DEFB134: variants seen among roughly 807,000 people sequenced by gnomAD.
DEFB134 encodes the protein beta-defensin 134.
DEFB134 carries 7 observed loss-of-function variants against 7.4 expected under a neutral mutation model. That is an observed-to-expected ratio of 0.95 (90% CI 0.54 to 1.79). DEFB134 has a LOEUF of 1.79. DEFB134 is among the 40% of genes most tolerant of loss of function. The probability of loss-of-function intolerance (pLI) is 0.00; values close to 1 mark genes in which losing one functional copy is unlikely to be tolerated. For missense variants in DEFB134, 105 were observed against 74.8 expected (o/e 1.40, Z -1.49); for synonymous variants, 33 against 25.0 (o/e 1.32, Z -0.96).
At chr8:12,000,292 T>G (rs1436785105), upstream of DEFB134, among the ~76,000 whole-genome samples, 1 of 152,330 alleles carries the variant, frequency 6.6e-6, no homozygotes, top group African/African-American at 2.4e-5. Context: ...TGTCTCTGAT[T>G]AGACTGTGAA....
exon 2 of DEFB134, chr8:11,993,992 A>G: frequency 6.2e-7 from 1 of 1,613,298 alleles, no homozygotes; most frequent in Non-Finnish European, 8.5e-7. Context: ...AGGGTGCAGG[A>G]TTTCCTTTGA....
upstream of DEFB134, among the ~76,000 whole-genome samples, chr8:11,997,142 T>C (rs951618905): frequency 1.3e-5 from 2 of 152,240 alleles, no homozygotes; most frequent in Non-Finnish European, 2.9e-5. Context: ...CTTTGTATTT[T>C]CTTGGAATTT....
upstream of DEFB134, among the ~76,000 whole-genome samples, chr8:11,998,418 C>T (rs1337118930): frequency 6.6e-6 from 1 of 150,762 alleles, no homozygotes; most frequent in African/African-American, 2.4e-5. Context: ...CCTGCTCCAC[C>T]CAAGCCTGGG....
At chr8:11,995,069 G>GT (rs1277578417) in intron 1 of DEFB134, among the ~76,000 whole-genome samples, 6 of 152,218 alleles carry the variant, frequency 3.9e-5, no homozygotes, top group Non-Finnish European at 8.8e-5. Flanking sequence ...GAAGGGATCA[G>GT]TGTTACTTAG....
chr8:11,995,370 C>G (rs1200754511), intron 1 of DEFB134, among the ~76,000 whole-genome samples: 7 of 152,132 alleles, frequency 4.6e-5, no homozygotes, highest in Non-Finnish European at 1.0e-4. Context: ...GATTCATTTG[C>G]CTGGAGAATA....
chr8:11,999,422 T>C (rs1479398424), upstream of DEFB134: 1 of 166,484 alleles, frequency 6.0e-6, no homozygotes, highest in African/African-American at 2.4e-5. Context: ...AATATACTTT[T>C]ATCTATGTTG....
upstream of DEFB134, chr8:11,996,397 A>C (rs1585092980): frequency 1.4e-6 from 1 of 695,144 alleles, no homozygotes; most frequent in Non-Finnish European, 2.3e-6. Context: ...TACACTGAAC[A>C]CCCCTGAGGC....
chr8:11,995,392 C>T (rs1358758400), intron 1 of DEFB134, among the ~76,000 whole-genome samples: 2 of 152,200 alleles, frequency 1.3e-5, no homozygotes, highest in Non-Finnish European at 2.9e-5. Context: ...TTCAGGCAAA[C>T]ACTTCAGTCC....
intron 1 of DEFB134, among the ~76,000 whole-genome samples, chr8:11,995,337 T>C (rs1215419593): frequency 6.6e-6 from 1 of 152,200 alleles, no homozygotes; most frequent in Non-Finnish European, 1.5e-5. Flanking sequence ...TTTAGCCTGG[T>C]GAGTCACATA....
intron 1 of DEFB134, 101 bp downstream of exon 2, chr8:11,996,093 A>T: frequency 7.1e-7 from 1 of 1,403,596 alleles, no homozygotes; most frequent in Admixed American, 2.0e-5. Flanking sequence ...TTCTAGCTTG[A>T]AAATTAAAGG....
intron 1 of DEFB134, 62 bp from the exon 3 acceptor site, chr8:11,994,184 A>G: frequency 6.5e-7 from 1 of 1,532,538 alleles, no homozygotes; most frequent in Non-Finnish European, 8.8e-7. Flanking sequence ...TAAAATTGCT[A>G]GTCCCTCAAT....
At chr8:11,999,608 C>A (rs1191204330), upstream of DEFB134, 1 of 59,278 alleles carries the variant, frequency 1.7e-5, no homozygotes, top group Non-Finnish European at 5.6e-5. Flanking sequence ...CAACTACCAG[C>A]AATTCGTGAT....
upstream of DEFB134, among the ~76,000 whole-genome samples, chr8:11,996,705 G>A (rs1419950431): frequency 6.6e-6 from 1 of 152,098 alleles, no homozygotes; most frequent in African/African-American, 2.4e-5. Context: ...TCTAAAGAAA[G>A]TTTCATTTAT....
upstream of DEFB134, chr8:11,996,400 C>T (rs1800125147): frequency 1.5e-6 from 1 of 669,118 alleles, no homozygotes; most frequent in Non-Finnish European, 2.4e-6. Flanking sequence ...ACTGAACACC[C>T]CTGAGGCAGC....
chr8:11,999,524 T>G (rs1436084281), upstream of DEFB134: 2 of 152,298 alleles, frequency 1.3e-5, no homozygotes, highest in Non-Finnish European at 2.9e-5. Flanking sequence ...CAGTGCCAAA[T>G]TCTTTTCCCC....
upstream of DEFB134, chr8:11,999,108 G>A (rs1012116860): frequency 1.3e-5 from 2 of 157,118 alleles, no homozygotes; most frequent in Non-Finnish European, 2.8e-5. Flanking sequence ...TTCCTACCTT[G>A]GTCTCAAGTG....
intron 1 of DEFB134, among the ~76,000 whole-genome samples, chr8:11,994,492 C>T (rs907500503): frequency 2.6e-5 from 4 of 152,164 alleles, no homozygotes; most frequent in African/African-American, 9.7e-5. Flanking sequence ...AGCAAGCTCT[C>T]ATCAGAAATT....
upstream of DEFB134, among the ~76,000 whole-genome samples, chr8:11,996,931 A>G (rs1800140000): frequency 6.6e-6 from 1 of 152,236 alleles, no homozygotes; most frequent in Non-Finnish European, 1.5e-5. Context: ...TAAGTGACAT[A>G]CAATAAACTT....
upstream of DEFB134, among the ~76,000 whole-genome samples, chr8:12,000,235 T>C (rs931028000): frequency 6.6e-6 from 1 of 152,080 alleles, no homozygotes; most frequent in African/African-American, 2.4e-5. Flanking sequence ...ACCCATTCCT[T>C]TTTTTTTCAT....
Sources: allele counts gnomAD v4.1 joint callset (sites outside exome capture counted in the v4.1 genomes callset), GRCh38; gene constraint gnomAD v4.1.1; transcripts MANE v1.5; gene names NCBI Gene and HGNC (gene_info 2026-07-23, HGNC 2026-07-21).